Variants in AK9 observed in about 807,000 individuals in gnomAD.
The protein encoded by AK9 is adenylate kinase 9.
Under a neutral mutation model 239.6 loss-of-function variants are expected in AK9, and 191 were observed. The ratio of observed to expected loss-of-function variants is 0.80; its 90% CI spans 0.71 to 0.90. The LOEUF (loss-of-function observed/expected upper bound fraction) is 0.90. Ranked by LOEUF, AK9 falls within the 40% of genes least tolerant of loss-of-function variation. AK9 has a pLI of 0.00. For synonymous variants in AK9, 689 were observed against 721.0 expected (o/e 0.96, Z 0.71); for missense variants, 1,995 against 2,214.7 (o/e 0.90, Z 1.99).
chr6:109,547,518 A>G (rs1170971370), intron 25 of AK9, among the ~76,000 whole-genome samples: 7 of 152,188 alleles, frequency 4.6e-5, no homozygotes, highest in African/African-American at 1.7e-4. Flanking sequence ...CTAGATCCTC[A>G]TCTTTCACCT....
intron 5 of AK9, among the ~76,000 whole-genome samples, chr6:109,671,312 C>A (rs1027888856): frequency 2.0e-5 from 3 of 152,158 alleles, no homozygotes; most frequent in African/African-American, 4.8e-5. Flanking sequence ...TGTCATTATT[C>A]TTCTCCTCTT....
intron 28 of AK9, among the ~76,000 whole-genome samples, chr6:109,529,619 C>T (rs1412825126): frequency 6.6e-6 from 1 of 151,998 alleles, no homozygotes; most frequent in Non-Finnish European, 1.5e-5. Context: ...TACAACTCAC[C>T]ATAATGTAGA....
At chr6:109,564,035 C>T in intron 23 of AK9, 45 bp downstream of exon 23, 1 of 1,475,504 alleles carries the variant, frequency 6.8e-7, no homozygotes, top group Admixed American at 2.2e-5. Flanking sequence ...GCTTCTAATA[C>T]TATCACCTGC....
Position 109,514,448 on chromosome 6 carries a change from T to C in AK9, c.4066-11A>G, listed in dbSNP as rs1266107730. 5 of 1,517,478 alleles carry C rather than the reference T, an allele frequency of 3.3e-6. No homozygotes were observed. The highest frequency in any genetic ancestry group is 4.4e-6 in the Non-Finnish European group (5 of 1,128,740). 94.0% of individuals were successfully genotyped at this position (1,517,478 alleles called of 1,614,324 possible). A position where few individuals can be genotyped will look rare whatever the true frequency, so the allele number is the denominator to read the frequency against. On this transcript the variant is annotated splice_polypyrimidine_tract_variant and intron_variant, in intron 31 of 40. Coordinates refer to ENST00000424296, the MANE Select transcript of AK9 (RefSeq NM_001145128.3). Reference sequence around the variant, plus strand: ...CTCTCCTTCACTTAGCTGCAACATATACACAGTTGAATTTGAAAGTTAGTT... The same window carrying C: ...CTCTCCTTCACTTAGCTGCAACATACACACAGTTGAATTTGAAAGTTAGTT...
chr6:109,680,451 T>C (rs1772447730), intron 1 of AK9, among the ~76,000 whole-genome samples: 1 of 152,044 alleles, frequency 6.6e-6, no homozygotes, highest in Admixed American at 6.5e-5. Flanking sequence ...AATATGGGAC[T>C]ATGTGAAAAG....
chr6:109,581,056 C>A (rs2128207504), intron 19 of AK9, among the ~76,000 whole-genome samples: 1 of 152,102 alleles, frequency 6.6e-6, no homozygotes, highest in South Asian at 2.1e-4. Context: ...TTGTTTGGGG[C>A]ACCATGAACC....
Position 109,610,533 on chromosome 6 carries a change from T to C in AK9, c.1694-20A>G, listed in dbSNP as rs765637761. ...TTGGGGCTAAAGTAAAATAAGCTGA[T>C]AAATTAATGCCATTAATAATTTTAG... On this transcript the variant is annotated intron_variant, in intron 16 of 40. Coordinates refer to ENST00000424296, the MANE Select transcript of AK9 (RefSeq NM_001145128.3). The C allele has an allele frequency of 5.2e-6, 8 of 1,544,214 alleles. No individual in the cohort carries two copies. The South Asian group carries it at 7.2e-5, about 14-fold the overall frequency.
chr6:109,508,757 G>C (rs572639101), intron 33 of AK9, among the ~76,000 whole-genome samples: 12 of 152,276 alleles, frequency 7.9e-5, no homozygotes, highest in African/African-American at 2.9e-4. Context: ...TGGTGTTAAG[G>C]GAGAGGCACT....
chr6:109,602,993 T>C (rs973354897), intron 17 of AK9, among the ~76,000 whole-genome samples: 1 of 152,218 alleles, frequency 6.6e-6, no homozygotes, highest in Non-Finnish European at 1.5e-5. Flanking sequence ...TTCAAGGTTT[T>C]TAGCTTCTTT....
intron 17 of AK9, among the ~76,000 whole-genome samples, chr6:109,603,798 G>C (rs1373454878): frequency 6.6e-6 from 1 of 152,176 alleles, no homozygotes; most frequent in Non-Finnish European, 1.5e-5. Flanking sequence ...AGACTCACTG[G>C]CACATTGCAG....
intron 29 of AK9, among the ~76,000 whole-genome samples, chr6:109,520,916 C>A (rs534453904): frequency 6.6e-6 from 1 of 151,954 alleles, no homozygotes. Flanking sequence ...TTAAATGTTA[C>A]TAGTATAAAG....
At chr6:109,656,034 T>C (rs1324425300) in intron 8 of AK9, among the ~76,000 whole-genome samples, 1 of 152,194 alleles carries the variant, frequency 6.6e-6, no homozygotes, top group Non-Finnish European at 1.5e-5. Context: ...TTCTCTATCA[T>C]ATGGGAATAG....
chr6:109,589,852 T>C (rs777122015), intron 17 of AK9, among the ~76,000 whole-genome samples: 2 of 152,210 alleles, frequency 1.3e-5, no homozygotes, highest in Admixed American at 1.3e-4. Context: ...ATTCTGTTTA[T>C]GTGGTGAATC....
At chr6:109,657,777 C>G (rs756809712) in intron 7 of AK9, among the ~76,000 whole-genome samples, 2 of 151,764 alleles carry the variant, frequency 1.3e-5, no homozygotes, top group East Asian at 3.9e-4. Flanking sequence ...TCAATTCCCA[C>G]CTATGAGTGA....
In AK9 at chr6:109,550,216, C is replaced by T. The variant is rs1784197801; in HGVS notation, c.2838G>A (p.Leu946=). 6.2e-7 allele frequency: 1 copy of T among 1,613,552 alleles called. No homozygotes were observed. Among genetic ancestry groups the T allele is most frequent in the African/African-American group, 1.3e-5 (1 of 74,890 alleles). The part of the protein sequence containing the change: ...CPVVLKENFI[L]QPGNTEEAAK... ...CTGCTTCTTCTGTGTTTCCTGGTTG[C>T]AGGATGAAGTTTTCTTTGAGGACCA... The change falls in exon 25 of 41, where the codon CTG becomes CTA. Residue 946 remains leucine (L), a synonymous_variant. Transcript: ENST00000424296.
chr6:109,655,219 T>A (rs1237885806), intron 8 of AK9, among the ~76,000 whole-genome samples: 1 of 152,232 alleles, frequency 6.6e-6, no homozygotes, highest in Non-Finnish European at 1.5e-5. Flanking sequence ...TCAGGAATTC[T>A]TACTACCTGT....
At chr6:109,666,809 G>A (rs1801259662) in intron 5 of AK9, among the ~76,000 whole-genome samples, 1 of 152,148 alleles carries the variant, frequency 6.6e-6, no homozygotes, top group African/African-American at 2.4e-5. Context: ...ATGTAGCCTT[G>A]TGTCCAGCCA....
At chr6:109,639,964 T>C (rs1260973882) in intron 10 of AK9, among the ~76,000 whole-genome samples, 1 of 152,218 alleles carries the variant, frequency 6.6e-6, no homozygotes, top group Non-Finnish European at 1.5e-5. Context: ...GTTGTAGATG[T>C]GTGATGTTAT....
chr6:109,650,328 C>T (rs955256594), intron 8 of AK9, among the ~76,000 whole-genome samples: 2 of 152,076 alleles, frequency 1.3e-5, no homozygotes, highest in South Asian at 4.2e-4. Context: ...ATTTTTGCAA[C>T]CTACTCATCT....
Sources: gnomAD v4.1 joint callset for allele counts (sites outside exome capture counted in the v4.1 genomes callset) on GRCh38, gnomAD v4.1.1 for gene constraint, MANE v1.5 for transcripts, NCBI Gene and HGNC (gene_info 2026-07-23, HGNC 2026-07-21) for gene names.